The following CENPS variants were observed in gnomAD, a reference collection of about 807,000 sequenced individuals.
CENPS encodes centromere protein S, also known as FANCM associated histone fold protein 1.
In CENPS, 16 loss-of-function variants were observed where a neutral mutation model predicts 17.9. That is an observed-to-expected ratio of 0.90 (90% CI 0.61 to 1.36). CENPS has a LOEUF of 1.36. Ranked by LOEUF, CENPS falls within the 40% of genes most tolerant of loss-of-function variation. The pLI, the probability that CENPS is intolerant of heterozygous loss-of-function variation, is 0.00. For synonymous variants in CENPS, 49 were observed against 55.8 expected (o/e 0.88, Z 0.54); for missense variants, 160 against 158.6 (o/e 1.01, Z -0.05).
intron 1 of CENPS, 120 bp downstream of exon 1, chr1:10,430,688 C>T (rs1639864307): frequency 1.4e-6 from 2 of 1,412,274 alleles, no homozygotes; most frequent in South Asian, 2.9e-5. Context: ...GCGCCCCCCG[C>T]GGCTGCGCAT....
rs1346442059 is a variant in CENPS at position 10,431,068 on chromosome 1, G to A, written c.51+500G>A. On this transcript the variant is annotated intron_variant, in intron 1 of 4. Coordinates refer to ENST00000309048, the MANE Select transcript of CENPS (RefSeq NM_199294.3). Reference sequence around the variant, plus strand: ...AGATGTGGGTTCGAATCTCTGCCCCGCCAACTTGTGATCGTATCGACTCGG... The same window carrying A: ...AGATGTGGGTTCGAATCTCTGCCCCACCAACTTGTGATCGTATCGACTCGG... 2.9e-6 allele frequency: 4 copies of A among 1,364,004 alleles called. No individual in the cohort carries two copies. The African/African-American group carries it at 5.9e-5, about 20-fold the overall frequency. The allele number at this position is 1,364,004 out of a possible 1,614,324, so 84.5% of individuals were successfully genotyped here.
In CENPS at chr1:10,442,453, T is replaced by C; in HGVS notation, c.*48T>C. On this transcript the variant is annotated 3_prime_UTR_variant, in exon 5 of 5. Transcript: ENST00000309048. ...GCAGCCTTCTACAGGTAGAGCCACC[T>C]AGAAATGCATATGGCTGCAAAGGAA... 6.7e-7 allele frequency: 1 copy of C among 1,484,980 alleles called. No homozygotes were observed. Among genetic ancestry groups the C allele is most frequent in the Non-Finnish European group, 8.9e-7 (1 of 1,124,000 alleles). The allele number at this position is 1,484,980 out of a possible 1,614,324, so 92.0% of individuals were successfully genotyped here.
intron 1 of CENPS, among the ~76,000 whole-genome samples, chr1:10,433,049 A>G (rs1190935922): frequency 1.3e-5 from 2 of 152,138 alleles, no homozygotes; most frequent in African/African-American, 4.8e-5. Flanking sequence ...ACTTGCTGGT[A>G]GATTTTATGC....
intron 1 of CENPS, chr1:10,430,928 C>A: frequency 2.4e-6 from 3 of 1,252,212 alleles, no homozygotes; most frequent in Non-Finnish European, 3.0e-6. Flanking sequence ...AGGTGACGCC[C>A]GTACGCGGTG....
chr1:10,441,738 G>T (rs1640423489), intron 4 of CENPS, among the ~76,000 whole-genome samples: 1 of 143,260 alleles, frequency 7.0e-6, no homozygotes, highest in Non-Finnish European at 1.5e-5. Context: ...CCATTCTCCT[G>T]CCTCAGCCTC....
At chr1:10,434,099 G>C in intron 2 of CENPS, 134 bp downstream of exon 2, 1 of 1,482,650 alleles carries the variant, frequency 6.7e-7, no homozygotes, top group East Asian at 2.3e-5. Context: ...TGCGTTCTTC[G>C]TGAAACACTT....
At chr1:10,438,968 T>A (rs1325296515) in intron 3 of CENPS, among the ~76,000 whole-genome samples, 1 of 152,026 alleles carries the variant, frequency 6.6e-6, no homozygotes, top group Non-Finnish European at 1.5e-5. Flanking sequence ...CCTCATTCTT[T>A]GTGGCTGCTT....
intron 3 of CENPS, among the ~76,000 whole-genome samples, chr1:10,435,001 CTTCGGGTGGT>C (rs1402605598): frequency 3.3e-5 from 5 of 152,198 alleles, no homozygotes; most frequent in South Asian, 2.1e-4. Context: ...AAAACCATGT[CTTCGGGTGGT>C]TTGATTGCTC....
intron 3 of CENPS, among the ~76,000 whole-genome samples, chr1:10,435,331 T>A (rs553696190): frequency 6.6e-6 from 1 of 152,176 alleles, no homozygotes; most frequent in Non-Finnish European, 1.5e-5. Flanking sequence ...GAAAGTGTTC[T>A]AATTTGCTGC....
chr1:10,432,403 C>G (rs532699370), intron 1 of CENPS, among the ~76,000 whole-genome samples: 2 of 152,290 alleles, frequency 1.3e-5, no homozygotes, highest in African/African-American at 4.8e-5. Context: ...GTCCCTAGAA[C>G]AGAGCCTGGC....
At chr1:10,431,494 G>A (rs1639912477) in intron 1 of CENPS, 3 of 1,387,746 alleles carry the variant, frequency 2.2e-6, no homozygotes, top group South Asian at 2.5e-5. Flanking sequence ...CCCCGCGATT[G>A]GAGAATTAAT....
intron 1 of CENPS, among the ~76,000 whole-genome samples, chr1:10,432,494 T>G (rs973524782): frequency 9.9e-5 from 15 of 152,162 alleles, no homozygotes; most frequent in African/African-American, 3.6e-4. Flanking sequence ...GATTAGCTTG[T>G]AGACGATTTC....
intron 4 of CENPS, among the ~76,000 whole-genome samples, chr1:10,441,455 C>T (rs114659900): frequency 0.035 from 5,270 of 150,894 alleles, 124 homozygotes; most frequent in Middle Eastern, 0.058. Flanking sequence ...GCTGGGACTA[C>T]AGGTGCATGC....
intron 4 of CENPS, among the ~76,000 whole-genome samples, chr1:10,441,207 A>G (rs1640392490): frequency 6.6e-6 from 1 of 151,310 alleles, no homozygotes; most frequent in Admixed American, 6.6e-5. Flanking sequence ...TAAATTTTGG[A>G]CATGCAGTCT....
chr1:10,437,400 CTTTT>C (rs199866573), intron 3 of CENPS, among the ~76,000 whole-genome samples: 1 of 142,572 alleles, frequency 7.0e-6, no homozygotes, highest in Non-Finnish European at 1.5e-5. Context: ...TTTCTTATTT[CTTTT>C]TTTTTTTTTG....
Position 10,442,253 on chromosome 1 carries a change from T to A in CENPS, c.277-12T>A. On this transcript the variant is annotated splice_polypyrimidine_tract_variant and intron_variant, in intron 4 of 4. Transcript: ENST00000309048. ...TTACAGCCAGATATAAATACAGATT[T>A]TTTTTTTATAGCTAAAATACATCAC... The A allele has an allele frequency of 1.9e-6, 3 of 1,579,970 alleles. No homozygotes were observed. The highest frequency in any genetic ancestry group is 2.6e-6 in the Non-Finnish European group (3 of 1,170,888).
intron 1 of CENPS, chr1:10,431,165 C>A: frequency 6.8e-7 from 1 of 1,460,514 alleles, no homozygotes. Flanking sequence ...GCGGGCATCC[C>A]ATTCGTTCCT....
intron 1 of CENPS, chr1:10,431,507 C>A: frequency 1.5e-6 from 2 of 1,326,492 alleles, no homozygotes; most frequent in Non-Finnish European, 2.1e-6. Flanking sequence ...GAATTAATTG[C>A]AGATATTTTG....
chr1:10,435,712 T>TACACACAC (rs1157849538), intron 3 of CENPS, among the ~76,000 whole-genome samples: 5 of 143,816 alleles, frequency 3.5e-5, no homozygotes, highest in African/African-American at 1.3e-4. Flanking sequence ...AATATATATA[T>TACACACAC]ATATACACAC....
Sources: gnomAD v4.1 joint callset for allele counts (sites outside exome capture counted in the v4.1 genomes callset) on GRCh38, gnomAD v4.1.1 for gene constraint, MANE v1.5 for transcripts, NCBI Gene and HGNC (gene_info 2026-07-23, HGNC 2026-07-21) for gene names.